BIK: variants seen among roughly 807,000 people sequenced by gnomAD.
The protein encoded by BIK is bcl-2-interacting killer.
In BIK, 14 loss-of-function variants were observed where a neutral mutation model predicts 12.1. The ratio of observed to expected loss-of-function variants is 1.16; its 90% CI spans 0.77 to 1.81. The LOEUF is 1.81. Ranked by LOEUF, BIK falls within the 40% of genes most tolerant of loss-of-function variation. BIK has a pLI of 0.00. For synonymous variants in BIK, 86 were observed against 92.3 expected (o/e 0.93, Z 0.39); for missense variants, 215 against 207.9 (o/e 1.03, Z -0.21).
intron 1 of BIK, among the ~76,000 whole-genome samples, chr22:43,116,910 A>C (rs1193242254): frequency 2.6e-5 from 4 of 152,150 alleles, no homozygotes; most frequent in Non-Finnish European, 5.9e-5. Context: ...ACTGCACTCC[A>C]GCCTGGGTGA....
At position 43,121,175 on chromosome 22, in the gene BIK, AAAACAAAC is replaced by A. The variant is rs561868098; in HGVS notation, c.-7-2825_-7-2818del. ...TGGGCAATAGAGTGAGACTGTCTCAAAAACAAACAAACAAACAAACAAAAAAACACTAC... is the reference window on the plus strand; with the variant it reads ...TGGGCAATAGAGTGAGACTGTCTCAAAAACAAACAAACAAAAAAACACTAC... On this transcript the variant is annotated intron_variant, in intron 1 of 4. Coordinates refer to ENST00000216115, the MANE Select transcript of BIK (RefSeq NM_001197.5). 4.1e-3 allele frequency among the ~76,000 whole-genome samples: 617 copies of A among 152,278 alleles called. 5 individuals carry two copies. Among genetic ancestry groups the A allele is most frequent in the African/African-American group, 0.014 (592 of 41,556 alleles).
intron 1 of BIK, among the ~76,000 whole-genome samples, chr22:43,111,868 A>G (rs1013537124): frequency 6.6e-6 from 1 of 152,116 alleles, no homozygotes; most frequent in Non-Finnish European, 1.5e-5. Flanking sequence ...AGGAGGCCTC[A>G]TCTTCCAGGT....
In BIK at chr22:43,128,554, T is replaced by G. The variant is rs1219457519; in HGVS notation, c.319T>G (p.Phe107Val). ...TEDIRDVLRS[F>V]MDGFTTLKEN... is the part of the protein sequence containing the mutation. ...GGACATCAGGGATGTTCTTAGAAGT[T>G]TCATGGACGGTTTCACCACACTTAA... The change falls in exon 4 of 5, where the codon TTC (phenylalanine) becomes GTC (valine). Residue 107 changes from phenylalanine (F) to valine (V), a missense_variant. Phe to Val is a conservative substitution (Grantham distance 50, BLOSUM62 -1). Transcript: ENST00000216115. 10 of 1,613,894 alleles carry G rather than the reference T, an allele frequency of 6.2e-6. No individual in the cohort carries two copies. The highest frequency in any genetic ancestry group is 7.6e-6 in the Non-Finnish European group (9 of 1,179,886).
intron 1 of BIK, among the ~76,000 whole-genome samples, chr22:43,113,864 C>T (rs981090725): frequency 6.6e-6 from 1 of 152,192 alleles, no homozygotes. Flanking sequence ...CAGTTTGAGC[C>T]GTATGGAGGA....
chr22:43,111,886 C>T (rs773610825), intron 1 of BIK, among the ~76,000 whole-genome samples: 1 of 152,130 alleles, frequency 6.6e-6, no homozygotes, highest in Non-Finnish European at 1.5e-5. Context: ...GGTGGAGAAA[C>T]AGAGATTTCA....
chr22:43,127,876 C>A, intron 3 of BIK, 81 bp downstream of exon 3: 1 of 1,352,994 alleles, frequency 7.4e-7, no homozygotes, highest in Non-Finnish European at 1.0e-6. Flanking sequence ...CAGCACAGGG[C>A]TGGGCCCTGA....
chr22:43,112,085 C>G (rs1013130420), intron 1 of BIK, among the ~76,000 whole-genome samples: 1 of 152,182 alleles, frequency 6.6e-6, no homozygotes, highest in African/African-American at 2.4e-5. Flanking sequence ...CAGGTGAAAG[C>G]CCCTCTCAAG....
At chr22:43,116,753 G>A (rs1025428874) in intron 1 of BIK, among the ~76,000 whole-genome samples, 8 of 152,242 alleles carry the variant, frequency 5.3e-5, no homozygotes, top group Admixed American at 1.3e-4. Context: ...CACCGTGCCC[G>A]GCCTGGTGAA....
At chr22:43,122,001 G>C (rs1374049588) in intron 1 of BIK, among the ~76,000 whole-genome samples, 1 of 152,224 alleles carries the variant, frequency 6.6e-6, no homozygotes, top group Non-Finnish European at 1.5e-5. Flanking sequence ...AAAGTGCTGG[G>C]ATTACAGGCG....
rs1404108425 is a variant in BIK, at chr22:43,123,885, G to A, written c.-7-131G>A. On this transcript the variant is annotated intron_variant, in intron 1 of 4. Transcript: ENST00000216115. Reference sequence around the variant, plus strand: ...CATGCCTGTGGGAGCTGGGGTTGGGGGATATTGACGGCTTTAGCGGATCAA... The same window carrying A: ...CATGCCTGTGGGAGCTGGGGTTGGGAGATATTGACGGCTTTAGCGGATCAA... The A allele has an allele frequency of 1.2e-5, 11 of 930,018 alleles. No homozygotes were observed. In the East Asian group the frequency reaches 1.9e-4, roughly 16 times the overall value. The allele number at this position is 930,018 out of a possible 1,614,324, so 57.6% of individuals were successfully genotyped here. A position where few individuals can be genotyped will look rare whatever the true frequency, so the allele number is the denominator to read the frequency against.
intron 1 of BIK, among the ~76,000 whole-genome samples, chr22:43,115,951 T>C (rs1930105342): frequency 6.6e-6 from 1 of 151,978 alleles, no homozygotes; most frequent in South Asian, 2.1e-4. Context: ...GAGACACTGT[T>C]TCACCATGTT....
At chr22:43,128,151 AGTCTCCG>A (rs980716739) in intron 3 of BIK, among the ~76,000 whole-genome samples, 3 of 151,458 alleles carry the variant, frequency 2.0e-5, no homozygotes, top group African/African-American at 7.3e-5. Flanking sequence ...CCTCTCAGCG[AGTCTCCG>A]GTGGGGGAAT....
At chr22:43,126,891 A>C (rs1930326267) in intron 2 of BIK, among the ~76,000 whole-genome samples, 1 of 151,896 alleles carries the variant, frequency 6.6e-6, no homozygotes, top group South Asian at 2.1e-4. Context: ...TCCCACCCGC[A>C]TCCCCTCCAA....
chr22:43,111,481 A>G (rs1930010461), intron 1 of BIK, among the ~76,000 whole-genome samples: 1 of 151,810 alleles, frequency 6.6e-6, no homozygotes, highest in South Asian at 2.1e-4. Context: ...TGTTTGGTAA[A>G]TTGGAGGTGC....
At chr22:43,112,126 C>A (rs904665409) in intron 1 of BIK, among the ~76,000 whole-genome samples, 2 of 152,204 alleles carry the variant, frequency 1.3e-5, no homozygotes, top group African/African-American at 4.8e-5. Context: ...AAGACTCACC[C>A]CGATTTCTAC....
chr22:43,122,202 A>C (rs2147022787), intron 1 of BIK, among the ~76,000 whole-genome samples: 1 of 152,354 alleles, frequency 6.6e-6, no homozygotes, highest in Non-Finnish European at 1.5e-5. Context: ...TCTAAGCCTC[A>C]GTGTCCTGTG....
At chr22:43,120,273 T>G (rs977054449) in intron 1 of BIK, among the ~76,000 whole-genome samples, 23 of 152,212 alleles carry the variant, frequency 1.5e-4, no homozygotes, top group Non-Finnish European at 2.9e-5. Context: ...CTGCATATTC[T>G]GCCTCCTGGA....
At chr22:43,116,613 C>T (rs182388520) in intron 1 of BIK, among the ~76,000 whole-genome samples, 2 of 152,140 alleles carry the variant, frequency 1.3e-5, no homozygotes, top group Non-Finnish European at 2.9e-5. Context: ...CGCCCACCCC[C>T]ACGCCCGGCT....
At chr22:43,124,341 C>T (rs1283457674) in intron 2 of BIK, among the ~76,000 whole-genome samples, 158 bp downstream of exon 2, 1 of 152,094 alleles carries the variant, frequency 6.6e-6, no homozygotes, top group Admixed American at 6.6e-5. Flanking sequence ...AGGCTTCTGC[C>T]CTGGGAGCGG....
Sources: gnomAD v4.1 joint callset for allele counts (sites outside exome capture counted in the v4.1 genomes callset) on GRCh38, gnomAD v4.1.1 for gene constraint, MANE v1.5 for transcripts, NCBI Gene and HGNC (gene_info 2026-07-23, HGNC 2026-07-21) for gene names.